The following CTDSPL variants were observed in gnomAD, a reference collection of about 807,000 sequenced individuals.
CTDSPL encodes CTD small phosphatase like.
A neutral mutation model predicts 30.5 loss-of-function variants in CTDSPL; 8 were observed. The observed-to-expected ratio is 0.26, with a 90% CI of 0.15 to 0.47. The LOEUF (loss-of-function observed/expected upper bound fraction) is 0.47, where lower values mean the gene tolerates loss of function less well. Ranked by LOEUF, CTDSPL falls within the 20% of genes least tolerant of loss-of-function variation. The probability of loss-of-function intolerance (pLI) is 0.99; values close to 1 mark genes in which losing one functional copy is unlikely to be tolerated. For missense variants in CTDSPL, 248 were observed against 366.1 expected (o/e 0.68, Z 2.63); for synonymous variants, 110 against 137.9 (o/e 0.80, Z 1.42).
At chr3:37,953,142 T>C (rs1402419431) in intron 2 of CTDSPL, among the ~76,000 whole-genome samples, 2 of 152,248 alleles carry the variant, frequency 1.3e-5, no homozygotes, top group East Asian at 1.9e-4. Flanking sequence ...TTACTAATCC[T>C]TCAAAATCTG....
chr3:37,911,015 A>T (rs757469824), intron 1 of CTDSPL, among the ~76,000 whole-genome samples: 4 of 152,216 alleles, frequency 2.6e-5, no homozygotes, highest in Non-Finnish European at 4.4e-5. Context: ...TTGCTGGAGG[A>T]TGTTGTCCTG....
chr3:37,884,361 A>C (rs1246751767), intron 1 of CTDSPL, among the ~76,000 whole-genome samples: 1 of 152,210 alleles, frequency 6.6e-6, no homozygotes, highest in Non-Finnish European at 1.5e-5. Flanking sequence ...ATATAAATGA[A>C]TATGTACATA....
At chr3:37,908,110 G>C (rs1698538732) in intron 1 of CTDSPL, among the ~76,000 whole-genome samples, 1 of 152,222 alleles carries the variant, frequency 6.6e-6, no homozygotes, top group Non-Finnish European at 1.5e-5. Context: ...AGTACCCTTT[G>C]TAGGGTCAGA....
intron 1 of CTDSPL, among the ~76,000 whole-genome samples, chr3:37,921,005 G>T (rs1698706826): frequency 6.6e-6 from 1 of 152,134 alleles, no homozygotes; most frequent in Non-Finnish European, 1.5e-5. Context: ...GGGTCTTTTG[G>T]GCCTCTGTGA....
At position 37,862,109 on chromosome 3, in the gene CTDSPL, C is replaced by T. The variant is rs939628598; in HGVS notation, c.-91C>T. The T allele has an allele frequency of 2.5e-6, 1 of 401,102 alleles. No homozygotes were observed. The highest frequency in any genetic ancestry group is 3.3e-6 in the Non-Finnish European group (1 of 301,434). The allele number at this position is 401,102 out of a possible 1,614,324, so 24.8% of individuals were successfully genotyped here. A position where few individuals can be genotyped will look rare whatever the true frequency, so the allele number is the denominator to read the frequency against. On this transcript the variant is annotated 5_prime_UTR_variant, in exon 1 of 8. Coordinates refer to ENST00000273179, the MANE Select transcript of CTDSPL (RefSeq NM_001008392.2). This position sits in a 1 kb window ranked among gnomAD's most constrained non-coding sequence, Gnocchi z 4.3. ...CAGGCAGCGGCTGCGAGCGCCCCCC[C>T]GCGCCGCGCCCCCGCGCCCCCCGCG... is the stretch of plus-strand genomic sequence containing the variant.
At chr3:37,896,295 C>T (rs1216845768) in intron 1 of CTDSPL, among the ~76,000 whole-genome samples, 1 of 152,014 alleles carries the variant, frequency 6.6e-6, no homozygotes. Flanking sequence ...GTTTGAGGAG[C>T]CACGGAGGCT....
intron 1 of CTDSPL, among the ~76,000 whole-genome samples, chr3:37,923,099 G>A (rs552922081): frequency 5.9e-5 from 9 of 152,342 alleles, no homozygotes; most frequent in South Asian, 4.1e-4. Flanking sequence ...AGAAAAGATC[G>A]TTCTAGGGGA....
At chr3:37,936,520 T>C (rs1176259576) in intron 1 of CTDSPL, among the ~76,000 whole-genome samples, 1 of 152,050 alleles carries the variant, frequency 6.6e-6, no homozygotes, top group Non-Finnish European at 1.5e-5. Context: ...CTGCCCAGAA[T>C]TTCCTGTTAG....
rs9811371 is a variant in CTDSPL, at chr3:37,975,417, C to G, written c.520-292C>G. On this transcript the variant is annotated intron_variant, in intron 6 of 7. Coordinates refer to ENST00000273179, the MANE Select transcript of CTDSPL (RefSeq NM_001008392.2). This position sits in a 1 kb window ranked among gnomAD's most constrained non-coding sequence, Gnocchi z 4.9. ...TTTTCACGAGGCTCACACAGCCATC[C>G]CAGGCCAGAGATTCGAGGCCCAGGC... is the stretch of plus-strand genomic sequence containing the variant. Among the ~76,000 whole-genome samples the G allele has an allele frequency of 0.016, 2,397 of 152,236 alleles. 69 individuals are homozygous for G. The highest frequency in any genetic ancestry group is 0.054 in the African/African-American group (2,258 of 41,528).
At chr3:37,921,635 A>T (rs1244453353) in intron 1 of CTDSPL, among the ~76,000 whole-genome samples, 2 of 151,854 alleles carry the variant, frequency 1.3e-5, no homozygotes, top group Non-Finnish European at 2.9e-5. Context: ...ACACACACAC[A>T]CACACACACT....
At chr3:37,865,194 A>G (rs1697995268) in intron 1 of CTDSPL, among the ~76,000 whole-genome samples, 1 of 152,224 alleles carries the variant, frequency 6.6e-6, no homozygotes, top group Admixed American at 6.5e-5. Flanking sequence ...GATAATGTCA[A>G]GATAAAGAGA....
At chr3:37,953,719 G>T (rs1699136331) in intron 2 of CTDSPL, among the ~76,000 whole-genome samples, 1 of 152,160 alleles carries the variant, frequency 6.6e-6, no homozygotes, top group Non-Finnish European at 1.5e-5. Flanking sequence ...GAACTGTATA[G>T]TAGCCCATAA....
rs1012181399 is a variant in CTDSPL at position 37,971,332 on chromosome 3, C to T, written c.427-75C>T. 3.0e-6 allele frequency: 4 copies of T among 1,313,632 alleles called. No individual in the cohort carries two copies. The South Asian group carries it at 5.0e-5, about 16-fold the overall frequency. 81.4% of individuals were successfully genotyped at this position (1,313,632 alleles called of 1,614,324 possible). A position where few individuals can be genotyped will look rare whatever the true frequency, so the allele number is the denominator to read the frequency against. On this transcript the variant is annotated intron_variant, in intron 5 of 7. Transcript: ENST00000273179. ...GGAACCTTTGTAGCAATTCTTCCTA[C>T]AGTGGGCATTTGGGCCCCAGGCCAT...
At chr3:37,950,438 G>C (rs1171225524) in intron 2 of CTDSPL, among the ~76,000 whole-genome samples, 1 of 152,178 alleles carries the variant, frequency 6.6e-6, no homozygotes, top group East Asian at 1.9e-4. Flanking sequence ...AAGTACAAAA[G>C]TAACATTTGG....
chr3:37,949,111 C>T (rs945329392), intron 2 of CTDSPL, among the ~76,000 whole-genome samples: 21 of 152,036 alleles, frequency 1.4e-4, no homozygotes, highest in Admixed American at 3.9e-4. Flanking sequence ...TGAGCCACCG[C>T]GCCCGGCCAT....
chr3:37,942,265 A>G lies in CTDSPL; in HGVS notation c.80-4792A>G, dbSNP rs1465683581. On this transcript the variant is annotated intron_variant, in intron 1 of 7. Transcript: ENST00000273179. ...AGAGAAAAAAATGTACGCCCGCAGA[A>G]TCCAGCCTTTGATCCAGCGTTCCTG... 5.3e-5 allele frequency among the ~76,000 whole-genome samples: 8 copies of G among 150,596 alleles called. No individual in the cohort carries two copies. In the Admixed American group the frequency reaches 5.3e-4, roughly 10 times the overall value.
At chr3:37,917,617 G>A (rs939111917) in intron 1 of CTDSPL, among the ~76,000 whole-genome samples, 2 of 152,062 alleles carry the variant, frequency 1.3e-5, no homozygotes, top group Admixed American at 6.5e-5. Flanking sequence ...ACTATTAAAC[G>A]TTTCCATTTA....
chr3:37,976,174 T>C (rs1699425477), intron 7 of CTDSPL, among the ~76,000 whole-genome samples: 1 of 152,174 alleles, frequency 6.6e-6, no homozygotes, highest in African/African-American at 2.4e-5. Context: ...AGAATAGTGC[T>C]TGAGACTGGT....
At chr3:37,864,146 G>A (rs1026375658) in intron 1 of CTDSPL, among the ~76,000 whole-genome samples, 13 of 152,262 alleles carry the variant, frequency 8.5e-5, no homozygotes, top group Non-Finnish European at 1.5e-4. Context: ...TTTGTGTGAT[G>A]CTTTGCCAGA....
Sources: allele counts gnomAD v4.1 joint callset (sites outside exome capture counted in the v4.1 genomes callset), GRCh38; gene constraint gnomAD v4.1.1; non-coding constraint Gnocchi (gnomAD v3.1); transcripts MANE v1.5; gene names NCBI Gene and HGNC (gene_info 2026-07-23, HGNC 2026-07-21).